The following ANO10 variants were observed in gnomAD, a reference collection of about 807,000 sequenced individuals.
ANO10 encodes the protein anoctamin 10, also known as anoctamin-10.
A neutral mutation model predicts 74.7 loss-of-function variants in ANO10; 77 were observed. That is an observed-to-expected ratio of 1.03 (90% CI 0.86 to 1.25). The LOEUF is 1.25. Ranked by LOEUF, ANO10 falls within the 50% of genes most tolerant of loss-of-function variation. ANO10 has a pLI of 0.00. For synonymous variants in ANO10, 279 were observed against 284.9 expected (o/e 0.98, Z 0.21); for missense variants, 721 against 778.1 (o/e 0.93, Z 0.87).
At chr3:43,387,692 G>A (rs1167331109) in intron 12 of ANO10, among the ~76,000 whole-genome samples, 3 of 152,180 alleles carry the variant, frequency 2.0e-5, no homozygotes, top group African/African-American at 7.2e-5. Context: ...ATCAACAGAG[G>A]TGTCAACGGC....
chr3:43,504,854 C>T (rs1241732244), intron 11 of ANO10, among the ~76,000 whole-genome samples: 1 of 152,086 alleles, frequency 6.6e-6, no homozygotes, highest in African/African-American at 2.4e-5. Context: ...GTTAGCCAGG[C>T]TGGTCTTGAA....
intron 12 of ANO10, among the ~76,000 whole-genome samples, chr3:43,412,982 C>T (rs971221412): frequency 1.8e-4 from 28 of 152,280 alleles, no homozygotes; most frequent in Admixed American, 5.9e-4. Flanking sequence ...ACCCAGGAGG[C>T]GGAGGTTGCA....
intron 4 of ANO10, among the ~76,000 whole-genome samples, chr3:43,585,117 A>G (rs148232579): frequency 7.5e-4 from 114 of 152,340 alleles, no homozygotes; most frequent in Non-Finnish European, 1.4e-3. Flanking sequence ...TGCATATACC[A>G]CTTTTCTTCA....
At chr3:43,522,095 A>G (rs886162299) in intron 11 of ANO10, among the ~76,000 whole-genome samples, 1 of 152,198 alleles carries the variant, frequency 6.6e-6, no homozygotes, top group African/African-American at 2.4e-5. Flanking sequence ...AGAACAGGCA[A>G]CATCACAGAG....
At chr3:43,582,902 T>A (rs779865011) in intron 4 of ANO10, among the ~76,000 whole-genome samples, 2 of 152,242 alleles carry the variant, frequency 1.3e-5, no homozygotes, top group African/African-American at 2.4e-5. Context: ...ACATGACTGT[T>A]CTGATTCTTA....
At chr3:43,493,345 A>G (rs1049817954) in intron 11 of ANO10, among the ~76,000 whole-genome samples, 1 of 152,176 alleles carries the variant, frequency 6.6e-6, no homozygotes, top group East Asian at 1.9e-4. Context: ...TGATAGCACC[A>G]TGGCACATTT....
At chr3:43,532,966 TG>T (rs1187592206) in intron 11 of ANO10, among the ~76,000 whole-genome samples, 1 of 152,226 alleles carries the variant, frequency 6.6e-6, no homozygotes. Context: ...CTATACTCTC[TG>T]TCTTTGTGTC....
At chr3:43,632,802 T>C (rs2083562919) in intron 1 of ANO10, among the ~76,000 whole-genome samples, 1 of 152,228 alleles carries the variant, frequency 6.6e-6, no homozygotes, top group Non-Finnish European at 1.5e-5. Context: ...TGATTTTTCA[T>C]GTTTGGACAG....
At chr3:43,538,392 G>C (rs1433102445) in intron 11 of ANO10, among the ~76,000 whole-genome samples, 1 of 152,202 alleles carries the variant, frequency 6.6e-6, no homozygotes, top group Non-Finnish European at 1.5e-5. Context: ...TCTTCCAAAA[G>C]AAGGGTGAAT....
chr3:43,428,687 A>G (rs1317865286), intron 12 of ANO10, among the ~76,000 whole-genome samples: 1 of 151,624 alleles, frequency 6.6e-6, no homozygotes, highest in Non-Finnish European at 1.5e-5. Flanking sequence ...AAAAATCTCA[A>G]AGAGACATAA....
intron 11 of ANO10, among the ~76,000 whole-genome samples, chr3:43,443,343 A>T (rs1420732300): frequency 1.3e-5 from 2 of 152,176 alleles, no homozygotes; most frequent in African/African-American, 4.8e-5. Flanking sequence ...TGTGATATGG[A>T]TTCAGTTAAT....
intron 11 of ANO10, among the ~76,000 whole-genome samples, chr3:43,534,539 G>A (rs899349761): frequency 6.6e-6 from 1 of 151,830 alleles, no homozygotes; most frequent in East Asian, 1.9e-4. Context: ...GGGTTGGGGG[G>A]AGGGAGGGAG....
At chr3:43,663,910 T>A (rs1028680851) in intron 1 of ANO10, among the ~76,000 whole-genome samples, 8 of 152,200 alleles carry the variant, frequency 5.3e-5, no homozygotes, top group Non-Finnish European at 1.0e-4. Flanking sequence ...AAACATCCCA[T>A]GCTCATGGAT....
chr3:43,436,100 G>A (rs1009852101), intron 11 of ANO10, among the ~76,000 whole-genome samples: 1 of 152,170 alleles, frequency 6.6e-6, no homozygotes, highest in East Asian at 1.9e-4. Flanking sequence ...AAGCTTTTGT[G>A]TTGTAGCCTG....
intron 11 of ANO10, among the ~76,000 whole-genome samples, chr3:43,508,934 AAAGTAT>A (rs1179351872): frequency 7.2e-6 from 1 of 139,150 alleles, no homozygotes; most frequent in Admixed American, 7.5e-5. Flanking sequence ...CCTATAACTT[AAAGTAT>A]AATAAAAAAA....
intron 11 of ANO10, among the ~76,000 whole-genome samples, chr3:43,488,914 C>A (rs1175228774): frequency 6.6e-6 from 1 of 151,720 alleles, no homozygotes; most frequent in Non-Finnish European, 1.5e-5. Flanking sequence ...AGACTTGGAA[C>A]CAAGCCAAAT....
intron 7 of ANO10, among the ~76,000 whole-genome samples, chr3:43,571,746 T>TA (rs1182101412): frequency 1.3e-5 from 2 of 150,758 alleles, no homozygotes; most frequent in African/African-American, 4.9e-5. Context: ...GATGACGAGT[T>TA]AGTGGGTGCA....
At chr3:43,593,210 C>G (rs1048538931) in intron 4 of ANO10, among the ~76,000 whole-genome samples, 4 of 152,112 alleles carry the variant, frequency 2.6e-5, no homozygotes, top group African/African-American at 9.7e-5. Flanking sequence ...AGAGAACTTC[C>G]CCAACCTAGC....
At chr3:43,564,580 G>A (rs7621271) in intron 8 of ANO10, among the ~76,000 whole-genome samples, 90,954 of 151,970 alleles carry the variant, frequency 0.6, 27,938 homozygotes, top group East Asian at 0.89. Context: ...GCATTTTCCC[G>A]TATCATTAAA....
Sources: gnomAD v4.1 joint callset for allele counts (sites outside exome capture counted in the v4.1 genomes callset) on GRCh38, gnomAD v4.1.1 for gene constraint, MANE v1.5 for transcripts, NCBI Gene and HGNC (gene_info 2026-07-23, HGNC 2026-07-21) for gene names.